Variants in FNBP1L observed in about 807,000 individuals in gnomAD.
The protein encoded by FNBP1L is formin binding protein 1 like, also known as formin-binding protein 1-like.
In FNBP1L, 36 loss-of-function variants were observed where a neutral mutation model predicts 91.2. That is an observed-to-expected ratio of 0.39 (90% CI 0.30 to 0.52). The LOEUF (loss-of-function observed/expected upper bound fraction) is 0.52, where lower values mean the gene tolerates loss of function less well. Among genes scored for constraint, FNBP1L ranks in the 20% least tolerant of loss-of-function variants. FNBP1L has a pLI of 0.66. For synonymous variants in FNBP1L, 242 were observed against 237.0 expected (o/e 1.02, Z -0.19); for missense variants, 571 against 732.1 (o/e 0.78, Z 2.54).
At chr1:93,468,868 C>A (rs942315315) in intron 1 of FNBP1L, among the ~76,000 whole-genome samples, 75 of 152,258 alleles carry the variant, frequency 4.9e-4, no homozygotes, top group African/African-American at 1.8e-3. Context: ...TATATTACCA[C>A]CAGGAATGTG....
At chr1:93,482,195 C>G (rs1476028801) in intron 1 of FNBP1L, among the ~76,000 whole-genome samples, 3 of 152,058 alleles carry the variant, frequency 2.0e-5, no homozygotes, top group African/African-American at 7.2e-5. Flanking sequence ...ATAAATAAAT[C>G]TACCAAATAA....
intron 1 of FNBP1L, among the ~76,000 whole-genome samples, chr1:93,461,358 AT>A (rs1668853679): frequency 6.6e-6 from 1 of 151,810 alleles, no homozygotes; most frequent in South Asian, 2.1e-4. Context: ...CACAGTTTGA[AT>A]TTTTTCTTAA....
intron 16 of FNBP1L, 167 bp downstream of exon 16, chr1:93,551,272 G>A: frequency 7.8e-7 from 1 of 1,280,354 alleles, no homozygotes; most frequent in Non-Finnish European, 9.9e-7. Flanking sequence ...GCTTGATCTT[G>A]TGAATATTAC....
intron 1 of FNBP1L, among the ~76,000 whole-genome samples, chr1:93,480,099 C>G (rs982417042): frequency 6.6e-6 from 1 of 152,194 alleles, no homozygotes; most frequent in Non-Finnish European, 1.5e-5. Context: ...TTATGTTCCT[C>G]TGCCGCGGCT....
chr1:93,505,669 G>A (rs1437443398), intron 2 of FNBP1L, among the ~76,000 whole-genome samples: 1 of 152,194 alleles, frequency 6.6e-6, no homozygotes, highest in African/African-American at 2.4e-5. Context: ...ATTTAAGAAT[G>A]TTAGCACAGG....
chr1:93,543,967 C>CG, intron 11 of FNBP1L, 140 bp from the exon 12 acceptor site: 1 of 460,070 alleles, frequency 2.2e-6, no homozygotes, highest in Non-Finnish European at 3.9e-6. Context: ...GTGTAGATTT[C>CG]TTTTTTTTTT....
Position 93,522,946 on chromosome 1 carries a change from A to G in FNBP1L, c.195-398A>G, listed in dbSNP as rs186127304. Among the ~76,000 whole-genome samples the G allele has an allele frequency of 7.9e-5, 12 of 152,266 alleles. No individual in the cohort carries two copies. In the East Asian group the frequency reaches 2.3e-3, roughly 29 times the overall value. ...AGCTGATAGCAAAATTGTTCTGTAG[A>G]TCAGCCATCGAGATGCATTTGGCAA... On this transcript the variant is annotated intron_variant, in intron 3 of 16. Transcript: ENST00000271234.
intron 1 of FNBP1L, among the ~76,000 whole-genome samples, chr1:93,478,434 AGT>A (rs1018185555): frequency 7.9e-5 from 12 of 152,018 alleles, no homozygotes; most frequent in Non-Finnish European, 1.6e-4. Flanking sequence ...AACCCATTGC[AGT>A]GTGTTGGAGC....
chr1:93,479,081 C>T (rs1025659013), intron 1 of FNBP1L, among the ~76,000 whole-genome samples: 12 of 152,184 alleles, frequency 7.9e-5, no homozygotes, highest in East Asian at 1.9e-4. Flanking sequence ...TTTTCCCTGT[C>T]GGCCGGTCTG....
chr1:93,516,001 C>T (rs1460667680), intron 2 of FNBP1L, among the ~76,000 whole-genome samples: 1 of 152,022 alleles, frequency 6.6e-6, no homozygotes, highest in Admixed American at 6.6e-5. Context: ...AAGATTTATT[C>T]TCAATTATAT....
At chr1:93,482,582 A>G (rs1237661597) in intron 1 of FNBP1L, among the ~76,000 whole-genome samples, 2 of 152,130 alleles carry the variant, frequency 1.3e-5, no homozygotes, top group African/African-American at 2.4e-5. Context: ...GTGCATGGTA[A>G]TGATTTATTG....
In FNBP1L at chr1:93,448,130, C is replaced by T. The variant is rs1159488504; in HGVS notation, c.-152C>T. ...CGGAGGCTTCTCCAGTCGCGTCTTTCTCACTCACTGGGGAGCCCGGCGGTG... is the reference window on the plus strand; with the variant it reads ...CGGAGGCTTCTCCAGTCGCGTCTTTTTCACTCACTGGGGAGCCCGGCGGTG... On this transcript the variant is annotated 5_prime_UTR_variant, in exon 1 of 17. Coordinates refer to ENST00000271234, the MANE Select transcript of FNBP1L (RefSeq NM_001164473.3). 1.8e-5 allele frequency: 17 copies of T among 960,404 alleles called. No individual in the cohort carries two copies. The highest frequency in any genetic ancestry group is 2.6e-5 in the Non-Finnish European group (17 of 662,630). 59.5% of individuals were successfully genotyped at this position (960,404 alleles called of 1,614,324 possible).
chr1:93,536,885 A>G (rs992070908), intron 10 of FNBP1L, among the ~76,000 whole-genome samples: 4 of 152,096 alleles, frequency 2.6e-5, no homozygotes, highest in Non-Finnish European at 2.9e-5. Flanking sequence ...TTTATTGACA[A>G]TAAAATGTCA....
At chr1:93,475,393 A>T (rs1308534273) in intron 1 of FNBP1L, among the ~76,000 whole-genome samples, 2 of 152,096 alleles carry the variant, frequency 1.3e-5, no homozygotes, top group Non-Finnish European at 2.9e-5. Context: ...ATACAAAAAA[A>T]TTAGGCAGGG....
intron 1 of FNBP1L, among the ~76,000 whole-genome samples, chr1:93,474,368 A>G (rs868048907): frequency 1.2e-4 from 18 of 152,228 alleles, no homozygotes; most frequent in African/African-American, 4.3e-4. Context: ...TGGGGCCCAG[A>G]GAAGTGTTGA....
intron 2 of FNBP1L, among the ~76,000 whole-genome samples, chr1:93,502,879 ATTTGCTGCTTTGGATGACTAC>A (rs1178433111): frequency 6.6e-6 from 1 of 152,144 alleles, no homozygotes; most frequent in Non-Finnish European, 1.5e-5. Context: ...CTACATTGAG[ATTTGCTGCTTTGGATGACTAC>A]TTAGTAAATG....
intron 1 of FNBP1L, among the ~76,000 whole-genome samples, chr1:93,458,228 A>C (rs553354548): frequency 1.3e-5 from 2 of 152,328 alleles, no homozygotes; most frequent in South Asian, 2.1e-4. Flanking sequence ...ATCTTCTCTT[A>C]GTTCTTTTTA....
At chr1:93,512,347 A>T (rs1238804972) in intron 2 of FNBP1L, among the ~76,000 whole-genome samples, 2 of 151,958 alleles carry the variant, frequency 1.3e-5, no homozygotes, top group South Asian at 2.1e-4. Flanking sequence ...CCCACTGTCA[A>T]CATTAGACAA....
At chr1:93,466,214 C>T (rs1669073648) in intron 1 of FNBP1L, among the ~76,000 whole-genome samples, 2 of 152,046 alleles carry the variant, frequency 1.3e-5, no homozygotes, top group South Asian at 2.1e-4. Context: ...AATTAGATCC[C>T]CTTTGTCTAT....
Sources: allele counts gnomAD v4.1 joint callset (sites outside exome capture counted in the v4.1 genomes callset), GRCh38; gene constraint gnomAD v4.1.1; transcripts MANE v1.5; gene names NCBI Gene and HGNC (gene_info 2026-07-23, HGNC 2026-07-21).